PAPPA: variants seen among roughly 807,000 people sequenced by gnomAD.
PAPPA encodes the protein pappalysin 1, also known as pappalysin-1.
A neutral mutation model predicts 164.0 loss-of-function variants in PAPPA; 60 were observed. The ratio of observed to expected loss-of-function variants is 0.37; its 90% CI spans 0.30 to 0.45. The LOEUF is 0.45. Among genes scored for constraint, PAPPA ranks in the 20% least tolerant of loss-of-function variants. The pLI is 1.00. For synonymous variants in PAPPA, 875 were observed against 814.1 expected, an observed-to-expected ratio of 1.07 and a Z score of -1.27; for missense variants, 1,782 against 2,087.3, an observed-to-expected ratio of 0.85 and a Z score of 2.85.
intron 21 of PAPPA, among the ~76,000 whole-genome samples, chr9:116,384,316 T>C (rs1006474687): frequency 4.9e-5 from 6 of 122,492 alleles, no homozygotes; most frequent in African/African-American, 1.9e-4. Flanking sequence ...TAGCCAGGTA[T>C]GGAGGCACAG....
In PAPPA at chr9:116,235,521, T is replaced by G; in HGVS notation, c.2616T>G (p.Thr872=). Residue 872 remains threonine, a synonymous_variant, in exon 7 of 22, where the codon ACT becomes ACG. Transcript: ENST00000328252. ...LEIDAAMLTS[T]ADTPLCLQCK... Reference sequence around the variant, plus strand: ...TCGATGCTGCCATGTTGACCTCCACTGCAGACACCCCACTCTGTCTACAGT... The same window carrying G: ...TCGATGCTGCCATGTTGACCTCCACGGCAGACACCCCACTCTGTCTACAGT... 3 of 1,613,660 alleles carry G rather than the reference T, an allele frequency of 1.9e-6. No individual in the cohort carries two copies. Among genetic ancestry groups the G allele is most frequent in the Non-Finnish European group, 1.7e-6 (2 of 1,180,012 alleles).
At chr9:116,299,309 A>G (rs1447643197) in intron 9 of PAPPA, among the ~76,000 whole-genome samples, 2 of 152,038 alleles carry the variant, frequency 1.3e-5, no homozygotes, top group African/African-American at 2.4e-5. Context: ...CTACGTATCT[A>G]TATATCATCT....
At chr9:116,328,658 T>C (rs1306319665) in intron 10 of PAPPA, among the ~76,000 whole-genome samples, 1 of 152,222 alleles carries the variant, frequency 6.6e-6, no homozygotes. Flanking sequence ...AAAGAAATAT[T>C]ATAAGGCAGC....
intron 20 of PAPPA, among the ~76,000 whole-genome samples, chr9:116,380,586 G>A (rs1413277332): frequency 6.6e-6 from 1 of 152,182 alleles, no homozygotes; most frequent in Non-Finnish European, 1.5e-5. Flanking sequence ...GGAAGGAAAA[G>A]AAAGGGTTTA....
chr9:116,366,614 T>C (rs1846503166), intron 18 of PAPPA, among the ~76,000 whole-genome samples: 1 of 152,214 alleles, frequency 6.6e-6, no homozygotes, highest in Non-Finnish European at 1.5e-5. Context: ...TGCACTCATT[T>C]TACAAATACT....
chr9:116,268,697 TAATA>T (rs1243772056), intron 8 of PAPPA, among the ~76,000 whole-genome samples: 1 of 151,824 alleles, frequency 6.6e-6, no homozygotes, highest in East Asian at 1.9e-4. Flanking sequence ...ATAGTATACT[TAATA>T]CAGTTTTTTT....
chr9:116,392,283 T>C (rs1052226113), intron 21 of PAPPA, among the ~76,000 whole-genome samples: 20 of 152,216 alleles, frequency 1.3e-4, no homozygotes, highest in African/African-American at 4.8e-4. Flanking sequence ...CTTTTTACTC[T>C]CACTTGCTGA....
chr9:116,208,420 T>C (rs1215582268), intron 3 of PAPPA, among the ~76,000 whole-genome samples: 1 of 152,194 alleles, frequency 6.6e-6, no homozygotes, highest in Admixed American at 6.6e-5. Flanking sequence ...CCCACCCATA[T>C]TTTTTTCACT....
chr9:116,187,654 C>T lies in PAPPA; in HGVS notation c.916C>T (p.Pro306Ser). ...GTCCCCCATGAAGGATGGCAGCAGC[C>T]CCAAAGTGGAATTCAGCAATGCCCA... ...AWSPMKDGSS[P>S]KVEFSNAHGF... The change falls in exon 2 of 22, where the codon CCC becomes TCC. Residue 306 changes from proline to serine, a missense_variant. Physicochemically the swap from Pro to Ser is moderately conservative, Grantham distance 74. Around this residue, in one of 2 missense-constraint regions of PAPPA, gnomAD observed 458 missense variants for 430.3 expected, o/e 1.06. Coordinates refer to ENST00000328252, the MANE Select transcript of PAPPA (RefSeq NM_002581.5). This position sits in a 1 kb window ranked among gnomAD's most constrained non-coding sequence, Gnocchi z 4.2. 2 of 1,614,222 alleles carry T rather than the reference C, an allele frequency of 1.2e-6. No individual in the cohort carries two copies. The highest frequency in any genetic ancestry group is 8.5e-7 in the Non-Finnish European group (1 of 1,180,030).
intron 19 of PAPPA, chr9:116,373,740 G>T (rs1846607353): frequency 6.6e-6 from 1 of 152,134 alleles, no homozygotes; most frequent in African/African-American, 2.4e-5. Context: ...AGCTTCAGGG[G>T]ATGGTATACT....
chr9:116,233,778 C>G (rs1004348155), intron 6 of PAPPA, among the ~76,000 whole-genome samples: 1 of 152,192 alleles, frequency 6.6e-6, no homozygotes, highest in East Asian at 1.9e-4. Context: ...ATTCCTGTTA[C>G]CCTGTAACAT....
At chr9:116,318,699 A>T (rs1481229063) in intron 10 of PAPPA, 1 of 152,224 alleles carries the variant, frequency 6.6e-6, no homozygotes, top group Non-Finnish European at 1.5e-5. Context: ...CGTAAACTGG[A>T]CAGCAGCCTC....
chr9:116,293,019 A>AT (rs1845456028), intron 9 of PAPPA, among the ~76,000 whole-genome samples: 1 of 152,150 alleles, frequency 6.6e-6, no homozygotes, highest in Admixed American at 6.6e-5. Context: ...CAAGATGGGG[A>AT]TTTTGACATC....
At chr9:116,248,934 G>A (rs889850903) in intron 7 of PAPPA, among the ~76,000 whole-genome samples, 1 of 152,166 alleles carries the variant, frequency 6.6e-6, no homozygotes, top group Non-Finnish European at 1.5e-5. Context: ...GGATTGAAAG[G>A]ACAAATGAGA....
In PAPPA at chr9:116,206,042, C is replaced by T. The variant is rs139467800; in HGVS notation, c.1479-1414C>T. Among the ~76,000 whole-genome samples, 24 of 152,324 alleles carry T rather than the reference C, an allele frequency of 1.6e-4. No individual in the cohort carries two copies. In the East Asian group the frequency reaches 4.4e-3, roughly 28 times the overall value. ...AATAAATGTTGGCTGTCTCCTTCCT[C>T]GTTCTCTTCCCTGACGACAGAGCAG... On this transcript the variant is annotated intron_variant, in intron 2 of 21. Transcript: ENST00000328252.
Position 116,235,592 on chromosome 9 carries a change from T to A in PAPPA, c.2687T>A (p.Met896Lys). The A allele has an allele frequency of 6.2e-7, 1 of 1,613,470 alleles. No individual in the cohort carries two copies. The highest frequency in any genetic ancestry group is 8.5e-7 in the Non-Finnish European group (1 of 1,179,904). The change falls in exon 7 of 22, where the codon ATG becomes AAG. Residue 896 changes from methionine (M) to lysine (K), a missense_variant. Coordinates refer to ENST00000328252, the MANE Select transcript of PAPPA (RefSeq NM_002581.5). ...YKVVRDPPLQMDVASILHLNR... is the reference protein window; with the variant it reads ...YKVVRDPPLQKDVASILHLNR... ...GTGGTCCGGGACCCTCCTCTCCAGATGGATGTGGCCTCCATCCTACATCTC... is the reference window on the plus strand; with the variant it reads ...GTGGTCCGGGACCCTCCTCTCCAGAAGGATGTGGCCTCCATCCTACATCTC...
At chr9:116,247,349 C>T (rs2118771540) in intron 7 of PAPPA, among the ~76,000 whole-genome samples, 1 of 152,206 alleles carries the variant, frequency 6.6e-6, no homozygotes, top group African/African-American at 2.4e-5. Flanking sequence ...TGTGAGGCTC[C>T]CAGAGGTTGC....
intron 21 of PAPPA, among the ~76,000 whole-genome samples, chr9:116,393,040 G>A (rs180843240): frequency 6.6e-6 from 1 of 152,264 alleles, no homozygotes; most frequent in Admixed American, 6.5e-5. Context: ...AGACTGGCCT[G>A]GGGAAGGAAG....
chr9:116,367,018 C>T (rs1222310126), intron 18 of PAPPA, among the ~76,000 whole-genome samples: 1 of 152,160 alleles, frequency 6.6e-6, no homozygotes, highest in African/African-American at 2.4e-5. Context: ...CTGGGTGTCA[C>T]ACGCTGGGTT....
Sources: allele counts gnomAD v4.1 joint callset (sites outside exome capture counted in the v4.1 genomes callset), GRCh38; gene constraint gnomAD v4.1.1; regional missense constraint gnomAD v4.1.1; non-coding constraint Gnocchi (gnomAD v3.1); transcripts MANE v1.5; gene names NCBI Gene and HGNC (gene_info 2026-07-23, HGNC 2026-07-21).